The following FMN2 variants were observed in gnomAD, a reference collection of about 807,000 sequenced individuals.
FMN2 encodes the protein formin-2.
In FMN2, 51 loss-of-function variants were observed where a neutral mutation model predicts 142.3. The ratio of observed to expected loss-of-function variants is 0.36; its 90% confidence interval spans 0.29 to 0.45. The LOEUF (loss-of-function observed/expected upper bound fraction) is 0.45, where lower values mean the gene tolerates loss of function less well. Ranked by LOEUF, FMN2 falls within the 20% of genes least tolerant of loss-of-function variation. FMN2 has a pLI of 1.00. For synonymous variants in FMN2, 882 were observed against 869.8 expected (o/e 1.01, Z -0.25); for missense variants, 1,936 against 2,122.8 (o/e 0.91, Z 1.73).
chr1:240,143,321 C>T, intron 2 of FMN2: 3 of 1,509,098 alleles, frequency 2.0e-6, no homozygotes, highest in South Asian at 1.1e-5. Flanking sequence ...AAAGGTACAG[C>T]CCTCCGGAGT....
At chr1:240,305,811 T>A (rs545714818) in intron 8 of FMN2, among the ~76,000 whole-genome samples, 1 of 152,132 alleles carries the variant, frequency 6.6e-6, no homozygotes, top group African/African-American at 2.4e-5. Context: ...TTATACTTCT[T>A]GTCATAAGAA....
intron 7 of FMN2, among the ~76,000 whole-genome samples, chr1:240,278,559 G>C (rs1669294489): frequency 6.6e-6 from 1 of 152,114 alleles, no homozygotes; most frequent in South Asian, 2.1e-4. Flanking sequence ...AAGAGACGAG[G>C]AATGGAAGGA....
At chr1:240,255,180 G>A (rs1440077793) in intron 6 of FMN2, among the ~76,000 whole-genome samples, 1 of 152,182 alleles carries the variant, frequency 6.6e-6, no homozygotes, top group Non-Finnish European at 1.5e-5. Flanking sequence ...TGGCTGAGCA[G>A]ACTGCCCCAC....
chr1:240,170,017 T>TC, intron 2 of FMN2: 1 of 549,770 alleles, frequency 1.8e-6, no homozygotes, highest in South Asian at 2.5e-5. Context: ...GAACTTAAAC[T>TC]CAGATTAATT....
chr1:240,238,137 T>C (rs1444914499), intron 6 of FMN2, among the ~76,000 whole-genome samples: 2 of 152,156 alleles, frequency 1.3e-5, no homozygotes, highest in African/African-American at 4.8e-5. Flanking sequence ...TATCGAAAAT[T>C]CAAATTTACT....
intron 4 of FMN2, among the ~76,000 whole-genome samples, chr1:240,204,676 G>A (rs1418212664): frequency 3.9e-5 from 6 of 152,086 alleles, no homozygotes; most frequent in Admixed American, 1.3e-4. Context: ...GCATGAACCC[G>A]CGAGGCAGAG....
At position 240,092,540 on chromosome 1, in the gene FMN2, C is replaced by T. The variant is rs765934881; in HGVS notation, c.431C>T (p.Pro144Leu). ...GCGGACCCTTTTGAGGTGACCGGTC[C>T]AGGGGGTCCTGGGCCTGCCGAGGCT... ...ECADPFEVTG[P>L]GGPGPAEARV... is the part of the protein sequence containing the mutation. Residue 144 changes from proline (P) to leucine (L), a missense_variant, in exon 1 of 18, where the codon CCA becomes CTA. Pro to Leu is a moderately conservative substitution (Grantham distance 98). Around this residue, in one of 8 missense-constraint regions of FMN2, gnomAD observed 751 missense variants for 791.8 expected, o/e 0.95. Coordinates refer to ENST00000319653, the MANE Select transcript of FMN2 (RefSeq NM_020066.5). The T allele has an allele frequency of 6.2e-7, 1 of 1,611,832 alleles. No homozygotes were observed. The highest frequency in any genetic ancestry group is 1.7e-5 in the Admixed American group (1 of 59,692).
intron 2 of FMN2, chr1:240,145,237 A>T (rs1663393263): frequency 1.4e-6 from 2 of 1,476,810 alleles, no homozygotes; most frequent in Non-Finnish European, 1.9e-6. Flanking sequence ...TATCTTCCTC[A>T]GACAGCTCCT....
rs1012377400 is a variant in FMN2 at position 240,145,365 on chromosome 1, C to G, written c.1782+22020C>G. 4 of 621,186 alleles carry G rather than the reference C, an allele frequency of 6.4e-6. No homozygotes were observed. The South Asian group carries it at 1.1e-4, about 16-fold the overall frequency. The allele number at this position is 621,186 out of a possible 1,614,324, so 38.5% of individuals were successfully genotyped here. A position where few individuals can be genotyped will look rare whatever the true frequency, so the allele number is the denominator to read the frequency against. On this transcript the variant is annotated intron_variant, in intron 2 of 17. Transcript: ENST00000319653. ...TGCACCAGCGTCTTGTCCCATCCTC[C>G]CTCCTCCATCTCCGCTGCCACTGCC...
At chr1:240,400,494 C>T (rs1485141014) in intron 15 of FMN2, among the ~76,000 whole-genome samples, 3 of 152,162 alleles carry the variant, frequency 2.0e-5, no homozygotes, top group African/African-American at 7.2e-5. Context: ...GCTTCTAGGA[C>T]CTTGTATGTA....
intron 7 of FMN2, among the ~76,000 whole-genome samples, chr1:240,270,593 T>A (rs1449164601): frequency 6.6e-6 from 1 of 152,036 alleles, no homozygotes; most frequent in Non-Finnish European, 1.5e-5. Flanking sequence ...GGAAACAACC[T>A]AAGTGTCCAT....
chr1:240,434,351 A>G (rs553698158), intron 15 of FMN2, among the ~76,000 whole-genome samples: 1 of 152,256 alleles, frequency 6.6e-6, no homozygotes, highest in African/African-American at 2.4e-5. Flanking sequence ...GAAATAATTC[A>G]GAAAAGATGG....
chr1:240,327,832 A>T (rs1007261550), intron 8 of FMN2, among the ~76,000 whole-genome samples: 1 of 152,156 alleles, frequency 6.6e-6, no homozygotes, highest in African/African-American at 2.4e-5. Flanking sequence ...GAAAATAAGC[A>T]TGGAGTCATT....
intron 2 of FMN2, among the ~76,000 whole-genome samples, chr1:240,141,718 T>G (rs560830743): frequency 6.6e-6 from 1 of 152,230 alleles, no homozygotes; most frequent in East Asian, 1.9e-4. Flanking sequence ...AACAAGAATT[T>G]TAAGTGTCTC....
At chr1:240,120,603 G>A (rs575645003) in intron 1 of FMN2, among the ~76,000 whole-genome samples, 1 of 152,318 alleles carries the variant, frequency 6.6e-6, no homozygotes, top group Admixed American at 6.5e-5. Flanking sequence ...ATATGTCAGT[G>A]AGGAAGGTCA....
At chr1:240,307,544 G>C (rs12046502) in intron 8 of FMN2, among the ~76,000 whole-genome samples, 56,049 of 152,012 alleles carry the variant, frequency 0.37, 12,676 homozygotes, top group African/African-American at 0.65. Flanking sequence ...TGTCAAAGAT[G>C]AGTTGGTTGT....
intron 15 of FMN2, among the ~76,000 whole-genome samples, chr1:240,434,921 C>A (rs1395652281): frequency 1.3e-5 from 2 of 151,760 alleles, no homozygotes; most frequent in African/African-American, 4.8e-5. Flanking sequence ...AGACAGCACT[C>A]GTGATCCTCA....
intron 2 of FMN2, among the ~76,000 whole-genome samples, chr1:240,129,505 C>CTTTT (rs35446628): frequency 4.9e-5 from 6 of 121,998 alleles, no homozygotes; most frequent in African/African-American, 1.6e-4. Flanking sequence ...CTGCTGATGC[C>CTTTT]TTTTTTTTTT....
At chr1:240,155,463 G>T (rs893196252) in intron 2 of FMN2, among the ~76,000 whole-genome samples, 1 of 151,940 alleles carries the variant, frequency 6.6e-6, no homozygotes, top group African/African-American at 2.4e-5. Context: ...TAAATATTTT[G>T]TAGAGACAGG....
Sources: allele counts gnomAD v4.1 joint callset (sites outside exome capture counted in the v4.1 genomes callset), GRCh38; gene constraint gnomAD v4.1.1; regional missense constraint gnomAD v4.1.1; transcripts MANE v1.5; gene names NCBI Gene and HGNC (gene_info 2026-07-23, HGNC 2026-07-21).